Variants in RAPH1 observed in about 807,000 individuals in gnomAD.
The protein encoded by RAPH1 is Ras association (RalGDS/AF-6) and pleckstrin homology domains 1.
Under a neutral mutation model 88.1 loss-of-function variants are expected in RAPH1, and 18 were observed. That is an observed-to-expected ratio of 0.20 (90% CI 0.14 to 0.30). The LOEUF is 0.30. Among genes scored for constraint, RAPH1 ranks in the 10% least tolerant of loss-of-function variants. RAPH1 has a pLI of 1.00. For missense variants in RAPH1, 1,448 were observed against 1,543.2 expected (o/e 0.94, Z 1.03); for synonymous variants, 587 against 559.0 (o/e 1.05, Z -0.71).
chr2:203,486,155 C>A (rs907373397), intron 4 of RAPH1, among the ~76,000 whole-genome samples: 1 of 150,132 alleles, frequency 6.7e-6, no homozygotes, highest in African/African-American at 2.4e-5. Flanking sequence ...ATTAATGGAA[C>A]GCTAATTTGG....
chr2:203,441,359 G>A lies in RAPH1; in HGVS notation c.1831C>T (p.Pro611Ser). 6.3e-7 allele frequency: 1 copy of A among 1,576,656 alleles called. No homozygotes were observed. The highest frequency in any genetic ancestry group is 8.6e-7 in the Non-Finnish European group (1 of 1,162,798). ...PYTSLVPPLS[P>S]QPKIVTPYTA... ...TAGGGGGTGACTATCTTAGGTTGCG[G>A]GGATAAAGGGGGCACAAGTGAAGTG... The change falls in exon 14 of 14, where the codon CCG (proline) becomes TCG (serine). Residue 611 changes from proline to serine, a missense_variant. Pro to Ser is a moderately conservative substitution (Grantham distance 74). This residue lies in a region of RAPH1 where 935 missense variants were observed against 890.1 expected (regional missense o/e 1.05). Coordinates refer to ENST00000319170, the MANE Select transcript of RAPH1 (RefSeq NM_213589.3).
At chr2:203,479,659 A>G (rs1045620328) in intron 4 of RAPH1, among the ~76,000 whole-genome samples, 1 of 151,974 alleles carries the variant, frequency 6.6e-6, no homozygotes, top group African/African-American at 2.4e-5. Context: ...ATGATTGCCT[A>G]TGTTACATAT....
At chr2:203,441,582 A>G (rs1335193132) in intron 13 of RAPH1, 169 bp from the exon 14 acceptor site, 4 of 1,363,088 alleles carry the variant, frequency 2.9e-6, no homozygotes. Context: ...CAGGAAGGCT[A>G]AAATCTGATT....
At chr2:203,490,125 TAC>T in intron 3 of RAPH1, 36 bp from the exon 4 acceptor site, 4 of 1,530,080 alleles carry the variant, frequency 2.6e-6, no homozygotes, top group Non-Finnish European at 3.5e-6. Context: ...CCAGAATTTA[TAC>T]ATTCTATTAT....
chr2:203,455,472 A>T lies in RAPH1; in HGVS notation c.1267T>A (p.Ser423Thr). The T allele has an allele frequency of 6.2e-7, 1 of 1,614,082 alleles. No individual in the cohort carries two copies. Reference sequence around the variant, plus strand: ...CCTTTGGGAACATAGTAGATACCAGATGCTCGCAAGAGAAAATAACGCTTT... The same window carrying T: ...CCTTTGGGAACATAGTAGATACCAGTTGCTCGCAAGAGAAAATAACGCTTT... ...WKKRYFLLRA[S>T]GIYYVPKGKA... is the part of the protein sequence containing the mutation. Residue 423 changes from serine to threonine, a missense_variant, in exon 9 of 14, where the codon TCT becomes ACT. Ser to Thr is a moderately conservative substitution (Grantham distance 58, BLOSUM62 1). Transcript: ENST00000319170.
chr2:203,515,735 A>G (rs182304132), intron 1 of RAPH1, among the ~76,000 whole-genome samples: 16 of 152,348 alleles, frequency 1.1e-4, no homozygotes, highest in Admixed American at 1.0e-3. Context: ...AAACATTTAA[A>G]GTGTTGAGAG....
intron 4 of RAPH1, among the ~76,000 whole-genome samples, chr2:203,472,613 C>A (rs900268397): frequency 6.6e-5 from 10 of 152,016 alleles, no homozygotes; most frequent in African/African-American, 2.4e-4. Context: ...TTCTTGAAAA[C>A]TTACTGTATT....
chr2:203,455,957 T>C (rs1405463919), intron 8 of RAPH1, among the ~76,000 whole-genome samples: 1 of 151,904 alleles, frequency 6.6e-6, no homozygotes, highest in African/African-American at 2.4e-5. Flanking sequence ...TGCAGTGAGC[T>C]GAGATCACAC....
chr2:203,514,049 G>C (rs1689487891), intron 1 of RAPH1, among the ~76,000 whole-genome samples: 1 of 151,872 alleles, frequency 6.6e-6, no homozygotes, highest in African/African-American at 2.4e-5. Context: ...CATCATGTTG[G>C]GCAGGCTGGT....
At chr2:203,504,886 G>A (rs114984423) in intron 1 of RAPH1, among the ~76,000 whole-genome samples, 1,586 of 152,224 alleles carry the variant, frequency 0.01, 13 homozygotes, top group Non-Finnish European at 0.017. Context: ...GCAAAATGCC[G>A]CCAGTGTCTT....
At chr2:203,449,154 A>G (rs533404639) in intron 10 of RAPH1, among the ~76,000 whole-genome samples, 6 of 152,240 alleles carry the variant, frequency 3.9e-5, no homozygotes, top group Non-Finnish European at 8.8e-5. Flanking sequence ...AGTCCATAGA[A>G]TTCTCCATCT....
At chr2:203,476,073 G>T (rs1408465868) in intron 4 of RAPH1, among the ~76,000 whole-genome samples, 1 of 152,056 alleles carries the variant, frequency 6.6e-6, no homozygotes, top group African/African-American at 2.4e-5. Context: ...ATTTTAAAAA[G>T]TATAAAAAGA....
chr2:203,434,757 A>G lies in RAPH1; in HGVS notation c.*4680T>C, dbSNP rs2153631210. On this transcript the variant is annotated 3_prime_UTR_variant, in exon 14 of 14. Transcript: ENST00000319170. The stretch of plus-strand genomic sequence containing the variant: ...AATCATGAGCTTGGTATTAGTAGCC[A>G]TCCATGATAAACATAATTAATTCTC... 1 of 152,538 alleles carries G rather than the reference A, an allele frequency of 6.6e-6. No individual in the cohort carries two copies. The allele number at this position is 152,538 out of a possible 1,614,324, so 9.4% of individuals were successfully genotyped here.
At chr2:203,487,444 G>A (rs1461359674) in intron 4 of RAPH1, among the ~76,000 whole-genome samples, 1 of 150,952 alleles carries the variant, frequency 6.6e-6, no homozygotes, top group African/African-American at 2.4e-5. Flanking sequence ...GCAGTGGCAC[G>A]ATCTTGGCTC....
At chr2:203,460,975 G>C (rs1384983142) in intron 6 of RAPH1, among the ~76,000 whole-genome samples, 1 of 151,854 alleles carries the variant, frequency 6.6e-6, no homozygotes, top group African/African-American at 2.4e-5. Flanking sequence ...TATTAGCCAG[G>C]CGTGGTGGTG....
chr2:203,527,163 T>C (rs1027087956), intron 1 of RAPH1, among the ~76,000 whole-genome samples: 1 of 152,224 alleles, frequency 6.6e-6, no homozygotes, highest in African/African-American at 2.4e-5. Flanking sequence ...TGAGTGATGA[T>C]TCACTGGGGT....
intron 10 of RAPH1, among the ~76,000 whole-genome samples, chr2:203,450,251 A>T (rs1330095596): frequency 2.0e-5 from 3 of 152,144 alleles, no homozygotes; most frequent in Non-Finnish European, 4.4e-5. Context: ...AAAAAAAGAA[A>T]CCCATTAATT....
chr2:203,440,804 G>A lies in RAPH1; in HGVS notation c.2386C>T (p.Pro796Ser). The stretch of plus-strand genomic sequence containing the variant: ...GGTGGTGCAGCTTGAGTCACAACAG[G>A]TGCCACAGTCTTGGTGCTGGTTGGT... Reference protein sequence around the residue: ...PAPTSTKTVAPVVTQAAPPTP... With the variant: ...PAPTSTKTVASVVTQAAPPTP... Residue 796 changes from proline (P) to serine (S), a missense_variant, in exon 14 of 14, where the codon CCT (proline) becomes TCT (serine). Coordinates refer to ENST00000319170, the MANE Select transcript of RAPH1 (RefSeq NM_213589.3). The A allele has an allele frequency of 6.2e-7, 1 of 1,606,948 alleles. No homozygotes were observed.
chr2:203,494,805 G>A (rs1397842762), intron 2 of RAPH1, among the ~76,000 whole-genome samples: 6 of 130,694 alleles, frequency 4.6e-5, no homozygotes, highest in South Asian at 2.4e-4. Flanking sequence ...GCAAGACTCC[G>A]TCTCAAAAAA....
Sources: gnomAD v4.1 joint callset for allele counts (sites outside exome capture counted in the v4.1 genomes callset) on GRCh38, gnomAD v4.1.1 for gene constraint, gnomAD v4.1.1 regional missense constraint, MANE v1.5 for transcripts, NCBI Gene and HGNC (gene_info 2026-07-23, HGNC 2026-07-21) for gene names.